CSMD1: variants seen among roughly 807,000 people sequenced by gnomAD.
CSMD1 encodes the protein CUB and Sushi multiple domains 1.
CSMD1 carries 213 observed loss-of-function variants against 417.5 expected under a neutral mutation model. That is an observed-to-expected ratio of 0.51 (90% CI 0.46 to 0.57). CSMD1 has a LOEUF of 0.57. CSMD1 is among the 20% of genes least tolerant of loss of function. CSMD1 has a pLI of 0.00. For missense variants in CSMD1, 6,923 were observed against 4,529.7 expected, an observed-to-expected ratio of 1.53 and a Z score of -15.17; for synonymous variants, 2,862 against 1,736.8, an observed-to-expected ratio of 1.65 and a Z score of -16.11.
intron 1 of CSMD1, among the ~76,000 whole-genome samples, chr8:4,676,842 G>A (rs748082458): frequency 6.6e-6 from 1 of 150,738 alleles, no homozygotes; most frequent in Admixed American, 6.6e-5. Flanking sequence ...TTCTGTCCTG[G>A]AATTTTATAT....
At chr8:3,223,618 C>A (rs1798332670) in intron 28 of CSMD1, 111 bp downstream of exon 28, 6 of 1,120,060 alleles carry the variant, frequency 5.4e-6, no homozygotes, top group Middle Eastern at 4.2e-4. Context: ...GACACAAAAT[C>A]TAGCACTTAC....
intron 5 of CSMD1, among the ~76,000 whole-genome samples, chr8:3,866,830 A>T (rs953607083): frequency 1.3e-5 from 2 of 152,192 alleles, no homozygotes; most frequent in Non-Finnish European, 2.9e-5. Flanking sequence ...TCAAATCGGT[A>T]TTAATCAACT....
intron 7 of CSMD1, among the ~76,000 whole-genome samples, chr8:3,704,008 T>C (rs923831397): frequency 6.6e-6 from 1 of 151,752 alleles, no homozygotes; most frequent in Non-Finnish European, 1.5e-5. Flanking sequence ...GAGGTAGAGG[T>C]TTCAGTGAGC....
chr8:3,930,882 A>T (rs991413468), intron 5 of CSMD1, among the ~76,000 whole-genome samples: 14 of 150,838 alleles, frequency 9.3e-5, no homozygotes, highest in Non-Finnish European at 1.9e-4. Context: ...GTCTAGTTTT[A>T]AAACCTAACA....
intron 2 of CSMD1, among the ~76,000 whole-genome samples, chr8:4,549,415 T>A (rs759603770): frequency 3.9e-5 from 6 of 152,184 alleles, no homozygotes; most frequent in Non-Finnish European, 8.8e-5. Context: ...CTAATTGTGA[T>A]TTATTTCTAT....
intron 2 of CSMD1, among the ~76,000 whole-genome samples, chr8:4,633,528 T>G (rs1024746292): frequency 6.7e-6 from 1 of 150,156 alleles, no homozygotes; most frequent in Non-Finnish European, 1.5e-5. Flanking sequence ...GGATTACAGG[T>G]AAGAGCCGCC....
chr8:3,445,587 C>T (rs1043075230), intron 12 of CSMD1, among the ~76,000 whole-genome samples: 1 of 152,004 alleles, frequency 6.6e-6, no homozygotes, highest in African/African-American at 2.4e-5. Context: ...TGAATCAGTG[C>T]ATCACAGACC....
intron 1 of CSMD1, among the ~76,000 whole-genome samples, chr8:4,889,064 G>C (rs1424678274): frequency 6.6e-6 from 1 of 152,108 alleles, no homozygotes; most frequent in Non-Finnish European, 1.5e-5. Context: ...TGAATATGTG[G>C]TAAGCCCAGT....
chr8:4,587,141 T>C (rs1024895982), intron 2 of CSMD1, among the ~76,000 whole-genome samples: 2 of 152,208 alleles, frequency 1.3e-5, no homozygotes, highest in African/African-American at 4.8e-5. Context: ...TCTTCCACAT[T>C]GATTTTTCTG....
chr8:4,144,668 T>C (rs1242967538), intron 3 of CSMD1, among the ~76,000 whole-genome samples: 1 of 151,072 alleles, frequency 6.6e-6, no homozygotes, highest in Non-Finnish European at 1.5e-5. Flanking sequence ...GCAGGACCTC[T>C]ATGTCCCGAC....
At chr8:4,029,981 G>C (rs1797258434) in intron 4 of CSMD1, among the ~76,000 whole-genome samples, 1 of 152,134 alleles carries the variant, frequency 6.6e-6, no homozygotes, top group Non-Finnish European at 1.5e-5. Context: ...CATTTCCTTT[G>C]ACTTTGTGTC....
chr8:4,113,375 A>G (rs1161553537), intron 3 of CSMD1, among the ~76,000 whole-genome samples: 1 of 148,604 alleles, frequency 6.7e-6, no homozygotes, highest in Non-Finnish European at 1.5e-5. Context: ...ATGTTCTTCA[A>G]GGAAAATAAA....
intron 3 of CSMD1, among the ~76,000 whole-genome samples, chr8:4,100,981 A>T (rs1407131945): frequency 6.6e-6 from 1 of 152,192 alleles, no homozygotes; most frequent in South Asian, 2.1e-4. Flanking sequence ...CACAATACTG[A>T]AATCTGAACT....
intron 10 of CSMD1, among the ~76,000 whole-genome samples, chr8:3,562,366 A>G (rs1455251113): frequency 1.3e-5 from 2 of 152,242 alleles, no homozygotes; most frequent in Non-Finnish European, 2.9e-5. Flanking sequence ...TGGGACACAC[A>G]CACACATGCA....
intron 1 of CSMD1, among the ~76,000 whole-genome samples, chr8:4,699,879 T>G (rs1427327473): frequency 6.6e-6 from 1 of 152,060 alleles, no homozygotes; most frequent in African/African-American, 2.4e-5. Context: ...AGAGACAAAG[T>G]TTTTCAGATA....
At chr8:4,181,907 C>T (rs546620878) in intron 3 of CSMD1, among the ~76,000 whole-genome samples, 1 of 151,990 alleles carries the variant, frequency 6.6e-6, no homozygotes, top group South Asian at 2.1e-4. Flanking sequence ...ACCACAAAGG[C>T]AGGACAAGTA....
intron 18 of CSMD1, among the ~76,000 whole-genome samples, chr8:3,377,653 C>A (rs1318473107): frequency 6.6e-6 from 1 of 152,134 alleles, no homozygotes; most frequent in Non-Finnish European, 1.5e-5. Flanking sequence ...TCCAGGAATT[C>A]TTACTGTACC....
intron 5 of CSMD1, among the ~76,000 whole-genome samples, chr8:3,973,519 T>G (rs1299296191): frequency 6.6e-6 from 1 of 152,326 alleles, no homozygotes; most frequent in South Asian, 2.1e-4. Context: ...CATTCTGGTA[T>G]AAGAACAAAC....
At chr8:3,577,477 A>AT (rs1050278180) in intron 9 of CSMD1, among the ~76,000 whole-genome samples, 9 of 152,072 alleles carry the variant, frequency 5.9e-5, no homozygotes, top group Middle Eastern at 3.4e-3. Context: ...TTTTTTGTCC[A>AT]TTTTTTTATT....
Sources: gnomAD v4.1 joint callset for allele counts (sites outside exome capture counted in the v4.1 genomes callset) on GRCh38, gnomAD v4.1.1 for gene constraint, MANE v1.5 for transcripts, NCBI Gene and HGNC (gene_info 2026-07-23, HGNC 2026-07-21) for gene names.